The following SBNO1 variants were observed in gnomAD, a reference collection of about 807,000 sequenced individuals.
SBNO1 encodes protein strawberry notch homolog 1.
A neutral mutation model predicts 173.6 loss-of-function variants in SBNO1; 23 were observed. That is an observed-to-expected ratio of 0.13 (90% CI 0.10 to 0.19). The LOEUF (loss-of-function observed/expected upper bound fraction) is 0.19, where lower values mean the gene tolerates loss of function less well. Ranked by LOEUF, SBNO1 falls within the 10% of genes least tolerant of loss-of-function variation. The pLI is 1.00. For synonymous variants in SBNO1, 632 were observed against 571.5 expected, an observed-to-expected ratio of 1.11 and a Z score of -1.51; for missense variants, 1,238 against 1,671.2, an observed-to-expected ratio of 0.74 and a Z score of 4.52.
At chr12:123,333,460 C>T (rs10773009) in intron 7 of SBNO1, among the ~76,000 whole-genome samples, 9,495 of 152,054 alleles carry the variant, frequency 0.062, 335 homozygotes, top group South Asian at 0.11. Context: ...CCAGGGAACA[C>T]ACTCCTAGGA....
intron 1 of SBNO1, among the ~76,000 whole-genome samples, chr12:123,357,360 GAAC>G (rs947170290): frequency 3.9e-5 from 6 of 152,082 alleles, no homozygotes; most frequent in African/African-American, 1.4e-4. Flanking sequence ...TGAGACAGGA[GAAC>G]ACCGGAACCC....
chr12:123,343,182 G>A (rs1002299370), intron 4 of SBNO1, among the ~76,000 whole-genome samples: 1 of 152,112 alleles, frequency 6.6e-6, no homozygotes, highest in Non-Finnish European at 1.5e-5. Flanking sequence ...GCAGGAAGCC[G>A]AGGTCGCGCC....
At position 123,295,932 on chromosome 12, in the gene SBNO1, G is replaced by A. The variant is rs768188705; in HGVS notation, c.4158C>T (p.Ser1386=). The change falls in exon 32 of 32, where the codon AGC becomes AGT. Residue 1386 remains serine, a synonymous_variant. Coordinates refer to ENST00000602398, the MANE Select transcript of SBNO1 (RefSeq NM_001167856.3). The part of the protein sequence containing the change: ...KQLWQQHHPQ[S]ITNLSNA ...TTCATGCGTTGCTCAAGTTGGTGAT[G>A]CTCTGAGGGTGATGCTGTTGCCATA... The A allele has an allele frequency of 3.7e-6, 6 of 1,612,430 alleles. No individual in the cohort carries two copies. The South Asian group carries it at 5.5e-5, about 15-fold the overall frequency.
At chr12:123,326,726 G>C (rs1049595078) in intron 13 of SBNO1, among the ~76,000 whole-genome samples, 2 of 152,172 alleles carry the variant, frequency 1.3e-5, no homozygotes, top group African/African-American at 2.4e-5. Flanking sequence ...AGGAGTTCCA[G>C]ATCAGGCTGG....
At chr12:123,308,486 C>T (rs903299359) in intron 28 of SBNO1, among the ~76,000 whole-genome samples, 5 of 151,490 alleles carry the variant, frequency 3.3e-5, no homozygotes, top group South Asian at 2.1e-4. Context: ...TTGGCTAACA[C>T]GGTGAAACCC....
intron 6 of SBNO1, among the ~76,000 whole-genome samples, chr12:123,334,652 G>A (rs1245994990): frequency 6.6e-6 from 1 of 152,158 alleles, no homozygotes; most frequent in Non-Finnish European, 1.5e-5. Context: ...AGGTTGCAGG[G>A]AGCCGAGACT....
intron 30 of SBNO1, 82 bp from the exon 31 acceptor site, chr12:123,298,253 C>A (rs2138867935): frequency 7.5e-7 from 1 of 1,330,956 alleles, no homozygotes; most frequent in Non-Finnish European, 1.0e-6. Flanking sequence ...AAGGTCAACT[C>A]AAATTTCTTT....
Position 123,297,863 on chromosome 12 carries a change from C to T in SBNO1, c.4039+115G>A, listed in dbSNP as rs1188985695. The T allele has an allele frequency of 1.1e-5, 10 of 882,980 alleles. No homozygotes were observed. In the Admixed American group the frequency reaches 2.3e-4, roughly 20 times the overall value. The allele number at this position is 882,980 out of a possible 1,614,324, so 54.7% of individuals were successfully genotyped here. On this transcript the variant is annotated intron_variant, in intron 31 of 31. Transcript: ENST00000602398. ...AGAAATATAAAACGGGTCCCATACC[C>T]ACTACTGGAAGAGATGTTAGATGCA...
chr12:123,299,509 G>C (rs879808418), intron 30 of SBNO1, among the ~76,000 whole-genome samples: 3 of 150,336 alleles, frequency 2.0e-5, no homozygotes, highest in Non-Finnish European at 4.4e-5. Context: ...GTGAAACCCC[G>C]TCTCTACTAA....
chr12:123,319,342 C>T (rs76230280), intron 20 of SBNO1, among the ~76,000 whole-genome samples: 2,972 of 152,240 alleles, frequency 0.02, 53 homozygotes, highest in Non-Finnish European at 0.033. Flanking sequence ...TGATTCTATG[C>T]ATTACACACA....
chr12:123,362,261 C>A (rs1438573376), intron 1 of SBNO1, among the ~76,000 whole-genome samples: 1 of 151,492 alleles, frequency 6.6e-6, no homozygotes, highest in African/African-American at 2.4e-5. Flanking sequence ...ATGGTGAAAC[C>A]CCGTCTCTAC....
intron 3 of SBNO1, 112 bp from the exon 4 acceptor site, chr12:123,345,682 C>CA: frequency 1.4e-6 from 1 of 720,532 alleles, no homozygotes; most frequent in Non-Finnish European, 2.1e-6. Flanking sequence ...TTTATTATTG[C>CA]TTTTTTTTTT....
At chr12:123,348,345 C>T (rs761353331) in intron 2 of SBNO1, among the ~76,000 whole-genome samples, 6 of 152,156 alleles carry the variant, frequency 3.9e-5, no homozygotes, top group Non-Finnish European at 8.8e-5. Flanking sequence ...TTTTGTAGGC[C>T]GGGAGTGGTG....
intron 1 of SBNO1, 50 bp from the exon 2 acceptor site, chr12:123,350,491 T>C: frequency 7.2e-7 from 1 of 1,384,810 alleles, no homozygotes; most frequent in Non-Finnish European, 1.0e-6. Flanking sequence ...AAGTGACAAA[T>C]ATTAACTCCC....
intron 1 of SBNO1, among the ~76,000 whole-genome samples, chr12:123,361,339 G>A (rs962477085): frequency 2.6e-5 from 4 of 151,706 alleles, no homozygotes; most frequent in African/African-American, 7.3e-5. Flanking sequence ...ATCTCAGGTC[G>A]GGAGTTCAAG....
At chr12:123,300,250 G>A (rs931168474) in intron 30 of SBNO1, among the ~76,000 whole-genome samples, 1 of 152,140 alleles carries the variant, frequency 6.6e-6, no homozygotes, top group African/African-American at 2.4e-5. Flanking sequence ...TTGTAGAGAT[G>A]GAGTCTTGCT....
intron 1 of SBNO1, among the ~76,000 whole-genome samples, chr12:123,358,765 A>AAAG (rs1296699329): frequency 1.9e-4 from 11 of 56,550 alleles, no homozygotes; most frequent in Admixed American, 5.0e-4. Context: ...AAAAAAAAAA[A>AAAG]AAGAAGAAGA....
Position 123,289,919 on chromosome 12 carries a change from G to A in SBNO1, c.*5989C>T, listed in dbSNP as rs964996090. On this transcript the variant is annotated 3_prime_UTR_variant, in exon 32 of 32. Coordinates refer to ENST00000602398, the MANE Select transcript of SBNO1 (RefSeq NM_001167856.3). Reference sequence around the variant, plus strand: ...TCTGCTGGCCAGAAACATCTGCCCAGGCACAAATGGGCCACAAGGGCAGGG... The same window carrying A: ...TCTGCTGGCCAGAAACATCTGCCCAAGCACAAATGGGCCACAAGGGCAGGG... 1.3e-5 allele frequency: 2 copies of A among 152,272 alleles called. No individual in the cohort carries two copies. The highest frequency in any genetic ancestry group is 1.3e-4 in the Admixed American group (2 of 15,280). 9.4% of individuals were successfully genotyped at this position (152,272 alleles called of 1,614,324 possible).
In SBNO1 at chr12:123,351,931, C is replaced by T. The variant is rs1481815474; in HGVS notation, c.1-1490G>A. ...CCAAGAGAAAATAAAAAATAAACAC[C>T]GAGCCCAGAAGACCTAAAGGATGAG... is the stretch of plus-strand genomic sequence containing the variant. On this transcript the variant is annotated intron_variant, in intron 1 of 31. Transcript: ENST00000602398. 1.3e-5 allele frequency among the ~76,000 whole-genome samples: 2 copies of T among 151,944 alleles called. 1 individual carries two copies. Among genetic ancestry groups the T allele is most frequent in the South Asian group, 4.1e-4 (2 of 4,822 alleles).
Sources: gnomAD v4.1 joint callset for allele counts (sites outside exome capture counted in the v4.1 genomes callset) on GRCh38, gnomAD v4.1.1 for gene constraint, MANE v1.5 for transcripts, NCBI Gene and HGNC (gene_info 2026-07-23, HGNC 2026-07-21) for gene names.